Variants in ARHGEF7 observed in about 807,000 individuals in gnomAD.
The protein encoded by ARHGEF7 is Rho guanine nucleotide exchange factor 7, also known as PAK-interacting exchange factor beta.
ARHGEF7 carries 33 observed loss-of-function variants against 109.8 expected under a neutral mutation model. The observed-to-expected ratio is 0.30, with a 90% CI of 0.23 to 0.40. ARHGEF7 has a LOEUF of 0.40. ARHGEF7 is among the 10% of genes least tolerant of loss of function. The probability of loss-of-function intolerance (pLI) is 1.00; values close to 1 mark genes in which losing one functional copy is unlikely to be tolerated. For synonymous variants in ARHGEF7, 458 were observed against 424.6 expected (o/e 1.08, Z -0.97); for missense variants, 938 against 1,098.5 (o/e 0.85, Z 2.07).
chr13:111,235,825 A>G (rs1371437345), intron 6 of ARHGEF7, among the ~76,000 whole-genome samples: 5 of 152,232 alleles, frequency 3.3e-5, no homozygotes, highest in Non-Finnish European at 7.3e-5. Context: ...GTTTTCACAG[A>G]AAACTATAAG....
At chr13:111,168,199 T>C (rs921762330) in intron 2 of ARHGEF7, among the ~76,000 whole-genome samples, 3 of 152,152 alleles carry the variant, frequency 2.0e-5, no homozygotes, top group African/African-American at 7.2e-5. Flanking sequence ...TGGAAGGTGC[T>C]AGCCCTCCCC....
intron 8 of ARHGEF7, among the ~76,000 whole-genome samples, chr13:111,263,481 G>A (rs2091311788): frequency 6.6e-6 from 1 of 152,246 alleles, no homozygotes. Flanking sequence ...GATCGGGGCT[G>A]TGGCACTGGA....
intron 2 of ARHGEF7, among the ~76,000 whole-genome samples, chr13:111,184,051 T>TG (rs1419230251): frequency 2.0e-5 from 3 of 152,140 alleles, no homozygotes; most frequent in Non-Finnish European, 4.4e-5. Flanking sequence ...AATCCCCACC[T>TG]GTCAAGGGCG....
chr13:111,292,579 A>G, intron 19 of ARHGEF7: 3 of 1,314,204 alleles, frequency 2.3e-6, no homozygotes, highest in Non-Finnish European at 2.9e-6. Context: ...CGTAAGGGGT[A>G]GTTGTTGTTT....
intron 18 of ARHGEF7, among the ~76,000 whole-genome samples, chr13:111,290,097 G>C (rs892088731): frequency 2.6e-5 from 4 of 152,172 alleles, no homozygotes; most frequent in African/African-American, 4.8e-5. Flanking sequence ...TAAGTAATAG[G>C]CTGTAAAATG....
At chr13:111,129,767 C>A (rs998317976) in intron 1 of ARHGEF7, among the ~76,000 whole-genome samples, 1 of 152,228 alleles carries the variant, frequency 6.6e-6, no homozygotes, top group South Asian at 2.1e-4. Context: ...CTCTCATGCA[C>A]TGACAGTGGG....
rs534533561 is a variant in ARHGEF7, at chr13:111,207,930, G to T, written c.338-1942G>T. On this transcript the variant is annotated intron_variant, in intron 3 of 21. Transcript: ENST00000646102. ...AATTTGGAAGTTACCACATAAACTT[G>T]GTACTTTTAAGCTTTTAAACTATAG... Among the ~76,000 whole-genome samples the T allele has an allele frequency of 5.3e-5, 8 of 152,300 alleles. No individual in the cohort carries two copies. The South Asian group carries it at 1.5e-3, about 28-fold the overall frequency.
At position 111,275,627 on chromosome 13, in the gene ARHGEF7, G is replaced by A. The variant is rs1458194754; in HGVS notation, c.1368G>A (p.Leu456=). 6.2e-7 allele frequency: 1 copy of A among 1,614,140 alleles called. No individual in the cohort carries two copies. The highest frequency in any genetic ancestry group is 8.5e-7 in the Non-Finnish European group (1 of 1,180,018). The part of the protein sequence containing the change: ...RNWEGDDIKT[L]GNVTYMSQVL... ...GGGAGGGCGATGACATTAAAACTCT[G>A]GGCAACGTCACTTACATGTCCCAGG... The change falls in exon 12 of 22, where the codon CTG becomes CTA. Residue 456 remains leucine, a synonymous_variant. Coordinates refer to ENST00000646102, the MANE Select transcript of ARHGEF7 (RefSeq NM_001354046.2).
intron 1 of ARHGEF7, among the ~76,000 whole-genome samples, chr13:111,119,104 T>A (rs1358639260): frequency 6.6e-6 from 1 of 152,198 alleles, no homozygotes; most frequent in Non-Finnish European, 1.5e-5. Context: ...TTCTGGTAGT[T>A]CCTGGCTTGT....
chr13:111,215,016 G>C (rs1275064327), intron 4 of ARHGEF7, among the ~76,000 whole-genome samples: 1 of 151,694 alleles, frequency 6.6e-6, no homozygotes, highest in African/African-American at 2.4e-5. Context: ...GCTGAGACCT[G>C]CTATTAGGAA....
chr13:111,158,334 G>C (rs2076498230), intron 2 of ARHGEF7, among the ~76,000 whole-genome samples: 1 of 152,196 alleles, frequency 6.6e-6, no homozygotes, highest in Non-Finnish European at 1.5e-5. Context: ...TGTTCTCATA[G>C]TTGCCAAGAG....
intron 5 of ARHGEF7, among the ~76,000 whole-genome samples, chr13:111,226,508 G>A (rs918730543): frequency 2.0e-5 from 3 of 152,212 alleles, no homozygotes; most frequent in Non-Finnish European, 4.4e-5. Flanking sequence ...TGCGCTGTAA[G>A]TTAGAACAAC....
chr13:111,136,013 T>C (rs1435796721), intron 1 of ARHGEF7, among the ~76,000 whole-genome samples: 1 of 152,220 alleles, frequency 6.6e-6, no homozygotes, highest in African/African-American at 2.4e-5. Flanking sequence ...GAAGGGCTGT[T>C]GAATTTTGTT....
chr13:111,211,784 A>G (rs1035489563), intron 4 of ARHGEF7, among the ~76,000 whole-genome samples: 12 of 152,220 alleles, frequency 7.9e-5, no homozygotes, highest in African/African-American at 2.9e-4. Flanking sequence ...ATGGCCTAAC[A>G]TTCCTTTGAA....
At chr13:111,136,225 A>G (rs546286589) in intron 1 of ARHGEF7, among the ~76,000 whole-genome samples, 5 of 152,280 alleles carry the variant, frequency 3.3e-5, no homozygotes, top group South Asian at 4.1e-4. Context: ...TTTTTGCATC[A>G]ATGTTCATCA....
chr13:111,168,894 T>C (rs1220027690), intron 2 of ARHGEF7, among the ~76,000 whole-genome samples: 1 of 152,168 alleles, frequency 6.6e-6, no homozygotes, highest in Non-Finnish European at 1.5e-5. Flanking sequence ...ATGAGGAGGG[T>C]AGGTGACATT....
intron 17 of ARHGEF7, among the ~76,000 whole-genome samples, chr13:111,287,391 G>T (rs114905421): frequency 6.6e-6 from 1 of 152,362 alleles, no homozygotes; most frequent in African/African-American, 2.4e-5. Context: ...ACTGAGCTGG[G>T]CCGGGGGCCG....
chr13:111,245,809 A>G (rs569782466), intron 8 of ARHGEF7, among the ~76,000 whole-genome samples: 2 of 152,372 alleles, frequency 1.3e-5, no homozygotes, highest in African/African-American at 2.4e-5. Context: ...TAACATTTCC[A>G]TAGTCTAAAA....
intron 2 of ARHGEF7, among the ~76,000 whole-genome samples, chr13:111,166,912 G>A (rs1382771595): frequency 6.6e-6 from 1 of 152,162 alleles, no homozygotes; most frequent in East Asian, 1.9e-4. Context: ...AACACATATT[G>A]TGGGCAGGTG....
Sources: allele counts gnomAD v4.1 joint callset (sites outside exome capture counted in the v4.1 genomes callset), GRCh38; gene constraint gnomAD v4.1.1; transcripts MANE v1.5; gene names NCBI Gene and HGNC (gene_info 2026-07-23, HGNC 2026-07-21).